The following GPM6A variants were observed in gnomAD, a reference collection of about 807,000 sequenced individuals.
The protein encoded by GPM6A is glycoprotein M6A.
GPM6A carries 7 observed loss-of-function variants against 32.1 expected under a neutral mutation model. The observed-to-expected ratio is 0.22, with a 90% CI of 0.12 to 0.41. The LOEUF is 0.41. Ranked by LOEUF, GPM6A falls within the 10% of genes least tolerant of loss-of-function variation. The pLI, the probability that GPM6A is intolerant of heterozygous loss-of-function variation, is 1.00. For missense variants in GPM6A, 235 were observed against 347.2 expected, an observed-to-expected ratio of 0.68 and a Z score of 2.57; for synonymous variants, 130 against 123.4, an observed-to-expected ratio of 1.05 and a Z score of -0.35.
At chr4:175,930,425 T>TTGGG (rs757598480) in intron 1 of GPM6A, among the ~76,000 whole-genome samples, 1 of 124,890 alleles carries the variant, frequency 8.0e-6, no homozygotes, top group African/African-American at 2.6e-5. Flanking sequence ...ATCTGTTTTT[T>TTGGG]GGGGGGGGGT....
chr4:175,712,280 C>T (rs906424692), intron 1 of GPM6A, among the ~76,000 whole-genome samples: 2 of 152,188 alleles, frequency 1.3e-5, no homozygotes, highest in Non-Finnish European at 2.9e-5. Flanking sequence ...CTGAATTCCT[C>T]CCTTCCTGTA....
At chr4:175,731,954 C>T (rs1283157036) in intron 1 of GPM6A, among the ~76,000 whole-genome samples, 1 of 142,736 alleles carries the variant, frequency 7.0e-6, no homozygotes, top group Non-Finnish European at 1.5e-5. Flanking sequence ...TCCTCTTTCA[C>T]TTCCTCACTT....
intron 4 of GPM6A, among the ~76,000 whole-genome samples, chr4:175,648,521 C>T (rs191849847): frequency 1.3e-5 from 2 of 152,276 alleles, no homozygotes; most frequent in East Asian, 3.9e-4. Context: ...TATCTGTCTC[C>T]TATTGCTGCT....
intron 1 of GPM6A, among the ~76,000 whole-genome samples, chr4:175,870,595 G>A (rs1051031580): frequency 2.0e-5 from 3 of 152,102 alleles, no homozygotes; most frequent in African/African-American, 7.2e-5. Flanking sequence ...CTAGAACCCT[G>A]AGAATTTCCT....
At chr4:175,785,734 T>C (rs1560932014) in intron 1 of GPM6A, among the ~76,000 whole-genome samples, 1 of 152,024 alleles carries the variant, frequency 6.6e-6, no homozygotes, top group Non-Finnish European at 1.5e-5. Flanking sequence ...TAATCTAGGG[T>C]TTGAAAAATA....
intron 5 of GPM6A, 46 bp from the exon 6 acceptor site, chr4:175,640,240 TAGAAG>T: frequency 2.0e-6 from 3 of 1,470,292 alleles, no homozygotes; most frequent in Non-Finnish European, 1.9e-6. Flanking sequence ...GAGTTATAGG[TAGAAG>T]AGAAGTCAAG....
At chr4:175,709,919 A>T (rs1745438056) in intron 1 of GPM6A, among the ~76,000 whole-genome samples, 1 of 151,922 alleles carries the variant, frequency 6.6e-6, no homozygotes, top group Non-Finnish European at 1.5e-5. Context: ...ACACCAGGGA[A>T]ATCTCACTTT....
At chr4:175,939,994 A>G (rs1256925635) in intron 1 of GPM6A, among the ~76,000 whole-genome samples, 1 of 152,210 alleles carries the variant, frequency 6.6e-6, no homozygotes, top group Non-Finnish European at 1.5e-5. Context: ...CCAGTTAAGG[A>G]AGAAACAGAG....
chr4:175,898,425 T>C (rs1737858889), intron 1 of GPM6A, among the ~76,000 whole-genome samples: 1 of 152,200 alleles, frequency 6.6e-6, no homozygotes, highest in Admixed American at 6.5e-5. Context: ...AGGGTTTGTT[T>C]ATGGTACATC....
Position 175,787,606 on chromosome 4 carries a change from C to A in GPM6A, c.37+24585G>T, listed in dbSNP as rs1733852401. 4 of 1,344,582 alleles carry A rather than the reference C, an allele frequency of 3.0e-6. No homozygotes were observed. The East Asian group carries it at 1.2e-4, about 39-fold the overall frequency. The allele number at this position is 1,344,582 out of a possible 1,614,324, so 83.3% of individuals were successfully genotyped here. ...AGATTTCTAATTCAGCTTTTTTCCCCAAATCACAACCCATGTATCTAATTG... is the reference window on the plus strand; with the variant it reads ...AGATTTCTAATTCAGCTTTTTTCCCAAAATCACAACCCATGTATCTAATTG... On this transcript the variant is annotated intron_variant, in intron 1 of 6. Transcript: ENST00000393658.
chr4:175,786,358 T>C (rs1250708193), intron 1 of GPM6A, among the ~76,000 whole-genome samples: 1 of 151,716 alleles, frequency 6.6e-6, no homozygotes, highest in Admixed American at 6.6e-5. Context: ...TGATCCAAAT[T>C]ACCCTTCTTC....
intron 1 of GPM6A, among the ~76,000 whole-genome samples, chr4:175,887,822 A>T (rs868420341): frequency 3.3e-5 from 5 of 151,966 alleles, no homozygotes; most frequent in Non-Finnish European, 7.4e-5. Context: ...TGAACTGCAT[A>T]ATAATAATTT....
At chr4:175,872,151 GT>G (rs1736930705) in intron 1 of GPM6A, among the ~76,000 whole-genome samples, 2 of 152,146 alleles carry the variant, frequency 1.3e-5, no homozygotes, top group Non-Finnish European at 2.9e-5. Context: ...GAAGTAACAT[GT>G]TTTTATCTTC....
At position 175,673,815 on chromosome 4, in the gene GPM6A, C is replaced by T. The variant is rs978444450; in HGVS notation, c.252G>A (p.Val84=). The T allele has an allele frequency of 1.3e-5, 21 of 1,605,060 alleles. No homozygotes were observed. Among genetic ancestry groups the T allele is most frequent in the Non-Finnish European group, 1.8e-5 (21 of 1,173,342 alleles). ...AGAACGCAGCTGCGATGCCGTAGAT[C>T]ACATACTTAAAGATGTCAATCCTGA... The part of the protein sequence containing the change: ...VFTMIDIFKY[V]IYGIAAAFFV... Residue 84 remains valine (V), a synonymous_variant, in exon 3 of 7, where the codon GTG becomes GTA. Transcript: ENST00000393658.
intron 1 of GPM6A, among the ~76,000 whole-genome samples, chr4:175,723,169 T>G (rs990631539): frequency 6.6e-6 from 1 of 152,234 alleles, no homozygotes; most frequent in Non-Finnish European, 1.5e-5. Context: ...TTTATTTTTC[T>G]TTCACTTGAC....
intron 1 of GPM6A, among the ~76,000 whole-genome samples, chr4:175,846,756 A>G (rs946358654): frequency 6.6e-6 from 1 of 152,186 alleles, no homozygotes. Flanking sequence ...TACTCAAAAT[A>G]TCAAGAAATT....
intron 1 of GPM6A, among the ~76,000 whole-genome samples, chr4:175,886,874 A>G (rs1305901216): frequency 6.6e-6 from 1 of 152,066 alleles, no homozygotes; most frequent in African/African-American, 2.4e-5. Context: ...TCAACTTATA[A>G]GATACAAGTG....
At chr4:175,707,772 T>G (rs1335037399) in intron 1 of GPM6A, among the ~76,000 whole-genome samples, 1 of 152,216 alleles carries the variant, frequency 6.6e-6, no homozygotes, top group Non-Finnish European at 1.5e-5. Context: ...TACTTATGCT[T>G]TTACCTGATA....
chr4:175,694,566 A>G (rs1425544230), intron 2 of GPM6A, among the ~76,000 whole-genome samples: 1 of 152,212 alleles, frequency 6.6e-6, no homozygotes, highest in Non-Finnish European at 1.5e-5. Context: ...TAAGCATCAA[A>G]GCATTCAAGA....
Sources: allele counts gnomAD v4.1 joint callset (sites outside exome capture counted in the v4.1 genomes callset), GRCh38; gene constraint gnomAD v4.1.1; transcripts MANE v1.5; gene names NCBI Gene and HGNC (gene_info 2026-07-23, HGNC 2026-07-21).